Variants in FAAP20 observed in about 807,000 individuals in gnomAD.
FAAP20 encodes the protein FA core complex associated protein 20.
A neutral mutation model predicts 16.2 loss-of-function variants in FAAP20; 12 were observed. That is an observed-to-expected ratio of 0.74 (90% CI 0.48 to 1.20). The LOEUF is 1.20. Among genes scored for constraint, FAAP20 ranks in the 50% most tolerant of loss-of-function variants. The pLI is 0.00. For synonymous variants in FAAP20, 141 were observed against 110.7 expected (o/e 1.27, Z -1.72); for missense variants, 288 against 245.8 (o/e 1.17, Z -1.15).
chr1:2,193,854 A>G lies in FAAP20; in HGVS notation c.255T>C (p.Phe85=). ...GGTCCGGCGGAAAGGGTGTCCAGGA[A>G]AAGGTCTTGGGTCCGACAGTGAAGA... ...TEVFTVGPKT[F]SWTPFPPDLW... The change falls in exon 3 of 4, where the codon TTT becomes TTC. Residue 85 remains phenylalanine (F), a synonymous_variant. Transcript: ENST00000378546. The G allele has an allele frequency of 6.2e-7, 1 of 1,612,316 alleles. No homozygotes were observed. The highest frequency in any genetic ancestry group is 1.3e-5 in the African/African-American group (1 of 74,992).
At chr1:2,205,773 C>G (rs745346846) in intron 3 of FAAP20, among the ~76,000 whole-genome samples, 21 of 152,264 alleles carry the variant, frequency 1.4e-4, no homozygotes, top group Non-Finnish European at 2.2e-4. Flanking sequence ...GAGCCGCCCT[C>G]CTCCCATGTG....
At chr1:2,210,452 C>G (rs1322322009), downstream of FAAP20, among the ~76,000 whole-genome samples, 1 of 152,324 alleles carries the variant, frequency 6.6e-6, no homozygotes, top group East Asian at 1.9e-4. Flanking sequence ...AGACCCTGCC[C>G]TCCTACCCTC....
At chr1:2,211,260 G>C (rs544180709), downstream of FAAP20, among the ~76,000 whole-genome samples, 4 of 121,404 alleles carry the variant, frequency 3.3e-5, no homozygotes, top group Admixed American at 2.9e-4. Context: ...ACGGAGTTTC[G>C]CTCTTGTTGC....
chr1:2,185,282 G>T (rs1687416353), downstream of FAAP20: 3 of 717,730 alleles, frequency 4.2e-6, no homozygotes, highest in Non-Finnish European at 7.8e-6. Flanking sequence ...GGGCTGTCAT[G>T]CGGTTTCCAA....
At chr1:2,201,030 C>G (rs1213730455), upstream of FAAP20, 1 of 1,284,328 alleles carries the variant, frequency 7.8e-7, no homozygotes, top group East Asian at 5.6e-5. Flanking sequence ...GGTCCCTGCA[C>G]CTTCCAGGAC....
chr1:2,197,108 T>G (rs952779721), upstream of FAAP20, among the ~76,000 whole-genome samples: 6 of 152,160 alleles, frequency 3.9e-5, no homozygotes, highest in African/African-American at 1.4e-4. Context: ...TCTCCTTCCC[T>G]GCCTGGGTCC....
At chr1:2,197,677 C>T (rs1007145629), upstream of FAAP20, among the ~76,000 whole-genome samples, 6 of 152,384 alleles carry the variant, frequency 3.9e-5, no homozygotes, top group East Asian at 1.9e-4. Flanking sequence ...GGCAGCACAA[C>T]GTGTCACAGT....
intron 1 of FAAP20, among the ~76,000 whole-genome samples, chr1:2,206,860 C>G (rs913942780): frequency 6.6e-6 from 1 of 151,022 alleles, no homozygotes; most frequent in Non-Finnish European, 1.5e-5. Flanking sequence ...GCTCTGGGAC[C>G]CCTGGCCCAC....
upstream of FAAP20, chr1:2,199,303 C>T: frequency 2.8e-6 from 3 of 1,064,344 alleles, no homozygotes; most frequent in Non-Finnish European, 2.3e-6. The surrounding 1 kb of genome is among the most constrained non-coding windows in gnomAD (Gnocchi z 4.5). Context: ...GTGTCGGGCT[C>T]AGCTTCCGCA....
At chr1:2,194,665 C>A in intron 1 of FAAP20, 23 bp downstream of exon 1, 2 of 1,132,406 alleles carry the variant, frequency 1.8e-6, no homozygotes, top group South Asian at 4.3e-5. Flanking sequence ...CCGGCCGCGC[C>A]CCCGCCCGGC....
At chr1:2,205,659 G>C (rs1689232426) in intron 3 of FAAP20, among the ~76,000 whole-genome samples, 1 of 152,198 alleles carries the variant, frequency 6.6e-6, no homozygotes, top group Admixed American at 6.5e-5. Flanking sequence ...TGCAAGCCAC[G>C]AGCGCGTCGC....
At chr1:2,187,297 CTTTT>C (rs1287440881), downstream of FAAP20, 1 of 367,878 alleles carries the variant, frequency 2.7e-6, no homozygotes, top group Non-Finnish European at 5.5e-6. Flanking sequence ...TTTTTTTTTT[CTTTT>C]TCTTTTTTTT....
chr1:2,212,699 G>GTATCATTAA, upstream of FAAP20: 1 of 289,986 alleles, frequency 3.4e-6, no homozygotes, highest in Non-Finnish European at 6.8e-6. Flanking sequence ...GCGAGTCTCT[G>GTATCATTAA]AAAAGCGAGG....
At chr1:2,184,483 T>C (rs928521964), downstream of FAAP20, 10 of 814,954 alleles carry the variant, frequency 1.2e-5, no homozygotes, top group Non-Finnish European at 1.8e-5. Flanking sequence ...ATGCTGACTT[T>C]CTCACTGTTT....
upstream of FAAP20, chr1:2,198,951 T>C: frequency 7.8e-7 from 1 of 1,289,478 alleles, no homozygotes; most frequent in Non-Finnish European, 1.0e-6. Context: ...CATCGCCAGA[T>C]CTTTGGGGCA....
At chr1:2,198,659 C>CAT, upstream of FAAP20, 3 of 1,217,520 alleles carry the variant, frequency 2.5e-6, no homozygotes, top group Non-Finnish European at 3.2e-6. Flanking sequence ...CCGACAGGCA[C>CAT]CCTGGGCACA....
At chr1:2,185,427 G>A (rs1360335005), downstream of FAAP20, 16 of 718,592 alleles carry the variant, frequency 2.2e-5, no homozygotes, top group Admixed American at 4.0e-5. Context: ...CGTGAGTGGC[G>A]CCTGCCCCAC....
intron 3 of FAAP20, chr1:2,191,604 G>A (rs1688231520): frequency 1.3e-5 from 2 of 154,088 alleles, no homozygotes. Flanking sequence ...AATTAGCCAG[G>A]TGTGGTGACG....
chr1:2,195,038 C>A (rs898879496), upstream of FAAP20, among the ~76,000 whole-genome samples: 9 of 152,100 alleles, frequency 5.9e-5, no homozygotes, highest in Non-Finnish European at 1.2e-4. Context: ...CCTCCGTTAC[C>A]CCGATGGCTG....
Sources: allele counts gnomAD v4.1 joint callset (sites outside exome capture counted in the v4.1 genomes callset), GRCh38; gene constraint gnomAD v4.1.1; non-coding constraint Gnocchi (gnomAD v3.1); transcripts MANE v1.5; gene names NCBI Gene and HGNC (gene_info 2026-07-23, HGNC 2026-07-21).